DNAH5: variants seen among roughly 807,000 people sequenced by gnomAD.
The protein encoded by DNAH5 is dynein axonemal heavy chain 5.
A neutral mutation model predicts 518.2 loss-of-function variants in DNAH5; 372 were observed. That is an observed-to-expected ratio of 0.72 (90% CI 0.66 to 0.78). The LOEUF (loss-of-function observed/expected upper bound fraction) is 0.78. Among genes scored for constraint, DNAH5 ranks in the 30% least tolerant of loss-of-function variants. The probability of loss-of-function intolerance (pLI) is 0.00; values close to 1 mark genes in which losing one functional copy is unlikely to be tolerated. For missense variants in DNAH5, 5,523 were observed against 5,687.0 expected (o/e 0.97, Z 0.93); for synonymous variants, 2,039 against 2,025.9 (o/e 1.01, Z -0.17).
At chr5:13,769,930 T>C (rs933100940) in intron 56 of DNAH5, among the ~76,000 whole-genome samples, 3 of 152,204 alleles carry the variant, frequency 2.0e-5, no homozygotes, top group African/African-American at 7.2e-5. Context: ...TAAATGACAA[T>C]AGACTTCAAA....
At position 13,841,804 on chromosome 5, in the gene DNAH5, GAATT is replaced by G; in HGVS notation, c.5368_5371del (p.Asn1790LeufsTer13). 1 of 1,609,862 alleles carries G rather than the reference GAATT, an allele frequency of 6.2e-7. No individual in the cohort carries two copies. Among genetic ancestry groups the G allele is most frequent in the East Asian group, 2.2e-5 (1 of 44,580 alleles). On this transcript the variant is annotated frameshift_variant, in exon 33 of 79. Transcript: ENST00000265104. LOFTEE classifies it high-confidence loss of function. ...TGAGGACTGAGATTCTTCCAAAAGAGAATTAAGCCAAACTTCCACATTGCCCTCT... is the reference window on the plus strand; with the variant it reads ...TGAGGACTGAGATTCTTCCAAAAGAGAAGCCAAACTTCCACATTGCCCTCT...
chr5:13,873,119 T>C (rs535096881), intron 22 of DNAH5, among the ~76,000 whole-genome samples: 6 of 152,148 alleles, frequency 3.9e-5, no homozygotes, highest in African/African-American at 1.4e-4. Context: ...CAAATAAAAA[T>C]AGATAAATAA....
Position 13,862,617 on chromosome 5 carries a change from T to C in DNAH5, c.4727A>G (p.Asp1576Gly), listed in dbSNP as rs1768617394. 1.2e-6 allele frequency: 2 copies of C among 1,613,892 alleles called. No homozygotes were observed. The highest frequency in any genetic ancestry group is 4.5e-5 in the East Asian group (2 of 44,874). Residue 1576 changes from aspartate (D) to glycine (G), a missense_variant, in exon 29 of 79, where the codon GAC becomes GGC. Transcript: ENST00000265104. ...GTTGGCGATGATTTCCGAGGTACTG[T>C]CTCCTCTCAAGAGGAGCTCTCCACG... The part of the protein sequence containing the change: ...KTRGELLLRG[D>G]STSEIIANME...
At chr5:13,795,602 G>A (rs1757706084) in intron 47 of DNAH5, among the ~76,000 whole-genome samples, 1 of 152,172 alleles carries the variant, frequency 6.6e-6, no homozygotes, top group African/African-American at 2.4e-5. Context: ...CGGATTCACA[G>A]CCAAATTCTA....
At chr5:13,750,764 A>C (rs576544192) in intron 65 of DNAH5, among the ~76,000 whole-genome samples, 56 of 152,376 alleles carry the variant, frequency 3.7e-4, no homozygotes, top group African/African-American at 9.4e-4. Context: ...CACACTTTTC[A>C]GAACAATCAA....
At chr5:13,717,586 T>A (rs1579888274) in intron 72 of DNAH5, 66 bp from the exon 73 acceptor site, 1 of 1,275,616 alleles carries the variant, frequency 7.8e-7, no homozygotes, top group Non-Finnish European at 1.1e-6. Context: ...ACTACTTTTA[T>A]AAGTAATCAT....
chr5:13,926,986 G>A (rs1371183912), intron 3 of DNAH5, among the ~76,000 whole-genome samples: 2 of 152,122 alleles, frequency 1.3e-5, no homozygotes, highest in Admixed American at 1.3e-4. Flanking sequence ...AATTTCTTCA[G>A]TTTTTAAACA....
chr5:13,958,343 A>T (rs1335445536), intron 1 of DNAH5, among the ~76,000 whole-genome samples: 1 of 152,186 alleles, frequency 6.6e-6, no homozygotes, highest in Non-Finnish European at 1.5e-5. Context: ...ATCTTCTTGC[A>T]AGTTTAATTT....
intron 17 of DNAH5, among the ~76,000 whole-genome samples, chr5:13,890,712 A>T (rs1220653380): frequency 6.6e-6 from 1 of 152,246 alleles, no homozygotes; most frequent in Non-Finnish European, 1.5e-5. Flanking sequence ...TCATTAAAAA[A>T]TGGAAAAATT....
chr5:13,777,538 A>T (rs1398720571), intron 53 of DNAH5, among the ~76,000 whole-genome samples, 183 bp from the exon 54 acceptor site: 1 of 152,222 alleles, frequency 6.6e-6, no homozygotes, highest in Non-Finnish European at 1.5e-5. Context: ...ATAAAACATT[A>T]TAATTAATTA....
intron 43 of DNAH5, 37 bp from the exon 44 acceptor site, chr5:13,811,860 T>C (rs780354241): frequency 3.7e-6 from 6 of 1,606,694 alleles, no homozygotes; most frequent in African/African-American, 1.3e-5. Flanking sequence ...ATGAAACTTA[T>C]TAGCACACTA....
chr5:13,808,487 T>C (rs750870256), intron 46 of DNAH5, among the ~76,000 whole-genome samples: 2 of 152,118 alleles, frequency 1.3e-5, no homozygotes, highest in Non-Finnish European at 2.9e-5. Context: ...AGGAATCCTT[T>C]GGGGAAAAGC....
intron 16 of DNAH5, among the ~76,000 whole-genome samples, chr5:13,892,041 C>T (rs16902893): frequency 0.014 from 2,084 of 152,264 alleles, 50 homozygotes; most frequent in African/African-American, 0.046. Context: ...AACGCTGTAT[C>T]GGAGATGTAA....
chr5:13,803,016 T>C (rs970253288), intron 47 of DNAH5, among the ~76,000 whole-genome samples: 2 of 105,164 alleles, frequency 1.9e-5, no homozygotes, highest in African/African-American at 6.6e-5. Flanking sequence ...TGCTACAGAG[T>C]ATTATGCATT....
chr5:13,849,975 A>G (rs1403397033), intron 31 of DNAH5, among the ~76,000 whole-genome samples: 7 of 152,174 alleles, frequency 4.6e-5, no homozygotes, highest in African/African-American at 1.7e-4. Flanking sequence ...ACAGGACACT[A>G]TTACAGGTCA....
intron 31 of DNAH5, among the ~76,000 whole-genome samples, chr5:13,846,770 C>T (rs1021654119): frequency 2.0e-5 from 3 of 152,148 alleles, no homozygotes; most frequent in Admixed American, 1.3e-4. Context: ...GCTCTTGCAG[C>T]GATGGGATTT....
chr5:13,930,717 A>G (rs1319545428), intron 2 of DNAH5, among the ~76,000 whole-genome samples: 2 of 152,234 alleles, frequency 1.3e-5, no homozygotes, highest in African/African-American at 4.8e-5. Context: ...GCCAAACCAA[A>G]GTGAAAGCCA....
rs762496150 is a variant in DNAH5 at position 13,841,692 on chromosome 5, C to T, written c.5484G>A (p.Gln1828=). 2.5e-6 allele frequency: 4 copies of T among 1,608,094 alleles called. No homozygotes were observed. Among genetic ancestry groups the T allele is most frequent in the East Asian group, 2.2e-5 (1 of 44,840 alleles). ...TACTTTCAAATTTCAATACACTGACCTGAGCAGGGAAGGATGAAAGAAATT... is the reference window on the plus strand; with the variant it reads ...TACTTTCAAATTTCAATACACTGACTTGAGCAGGGAAGGATGAAAGAAATT... The part of the protein sequence containing the change: ...LTEFLSSFPA[Q]VGLLGIQMIW... The change falls in exon 33 of 79, where the codon CAG becomes CAA. Residue 1828 remains glutamine, a splice_region_variant and synonymous_variant. Transcript: ENST00000265104.
In DNAH5 at chr5:13,708,222, CT is replaced by C; in HGVS notation, c.13238del (p.Glu4413GlyfsTer2). 1.9e-6 allele frequency: 3 copies of C among 1,614,180 alleles called. No homozygotes were observed. Among genetic ancestry groups the C allele is most frequent in the Non-Finnish European group, 2.5e-6 (3 of 1,180,018 alleles). On this transcript the variant is annotated frameshift_variant, in exon 76 of 79. Transcript: ENST00000265104. LOFTEE classifies it high-confidence loss of function. ...VLSLVRSTLT[E>X]LKLAIDGTII... ...TGGTGCCATCAATAGCAAGTTTCAGCTCAGTGAGGGTGCTGCGGACAAGGCT... is the reference window on the plus strand; with the variant it reads ...TGGTGCCATCAATAGCAAGTTTCAGCCAGTGAGGGTGCTGCGGACAAGGCT...
Sources: allele counts gnomAD v4.1 joint callset (sites outside exome capture counted in the v4.1 genomes callset), GRCh38; gene constraint gnomAD v4.1.1; transcripts MANE v1.5; gene names NCBI Gene and HGNC (gene_info 2026-07-23, HGNC 2026-07-21).